The following ITGA9 variants were observed in gnomAD, a reference collection of about 807,000 sequenced individuals.
ITGA9 encodes integrin alpha-9.
Under a neutral mutation model 127.8 loss-of-function variants are expected in ITGA9, and 56 were observed. That is an observed-to-expected ratio of 0.44 (90% CI 0.35 to 0.55). ITGA9 has a LOEUF of 0.55. Ranked by LOEUF, ITGA9 falls within the 20% of genes least tolerant of loss-of-function variation. The pLI is 0.00. For synonymous variants in ITGA9, 508 were observed against 514.5 expected, an observed-to-expected ratio of 0.99 and a Z score of 0.17; for missense variants, 1,196 against 1,347.1, an observed-to-expected ratio of 0.89 and a Z score of 1.76.
intron 15 of ITGA9, among the ~76,000 whole-genome samples, chr3:37,551,089 T>C (rs1699374066): frequency 6.6e-6 from 1 of 152,224 alleles, no homozygotes; most frequent in Non-Finnish European, 1.5e-5. Context: ...AAAGTAAATT[T>C]GTGGGGTCAG....
rs551353205 is a variant in ITGA9, at chr3:37,684,167, T to C, written c.2067+152T>C. On this transcript the variant is annotated intron_variant, in intron 18 of 27. Coordinates refer to ENST00000264741, the MANE Select transcript of ITGA9 (RefSeq NM_002207.3). ...GATTAGAACTTTTTTCTTCCTGGGC[T>C]TAGAAAACATGTTGGTATAGCCAAA... 5.3e-5 allele frequency: 42 copies of C among 789,330 alleles called. 1 individual carries two copies. Among genetic ancestry groups the C allele is most frequent in the South Asian group, 6.0e-5 (4 of 67,194 alleles). The allele number at this position is 789,330 out of a possible 1,614,324, so 48.9% of individuals were successfully genotyped here.
chr3:37,804,231 G>A (rs1288461443), intron 27 of ITGA9, among the ~76,000 whole-genome samples: 1 of 152,194 alleles, frequency 6.6e-6, no homozygotes, highest in Non-Finnish European at 1.5e-5. Context: ...CAAAACAGAA[G>A]TCTGGGGAGC....
chr3:37,643,233 TG>T (rs1700349153), intron 16 of ITGA9, among the ~76,000 whole-genome samples: 6 of 152,202 alleles, frequency 3.9e-5, no homozygotes, highest in Admixed American at 3.9e-4. Flanking sequence ...CCTACTCTTA[TG>T]GGTATCAGCT....
At chr3:37,455,840 A>G (rs148421494) in intron 1 of ITGA9, among the ~76,000 whole-genome samples, 1 of 152,226 alleles carries the variant, frequency 6.6e-6, no homozygotes, top group Non-Finnish European at 1.5e-5. Flanking sequence ...GTCAGCACGG[A>G]CTCTGCAGGC....
In ITGA9 at chr3:37,457,525, G is replaced by A. The variant is rs537176143; in HGVS notation, c.185+4966G>A. ...TGCCTTCTCATAACCTCAGTGGTGA[G>A]CATCTTTGCAGAGTTCCTCTGTCCT... On this transcript the variant is annotated intron_variant, in intron 1 of 27. Coordinates refer to ENST00000264741, the MANE Select transcript of ITGA9 (RefSeq NM_002207.3). 2.6e-5 allele frequency among the ~76,000 whole-genome samples: 4 copies of A among 152,316 alleles called. No homozygotes were observed. In the East Asian group the frequency reaches 5.8e-4, roughly 22 times the overall value.
intron 19 of ITGA9, among the ~76,000 whole-genome samples, chr3:37,736,588 T>C (rs1463031655): frequency 6.6e-6 from 1 of 152,232 alleles, no homozygotes; most frequent in Non-Finnish European, 1.5e-5. Context: ...TGATGTAATT[T>C]GCAGATGTGG....
At chr3:37,734,014 G>C (rs1271921770) in intron 19 of ITGA9, among the ~76,000 whole-genome samples, 1 of 152,212 alleles carries the variant, frequency 6.6e-6, no homozygotes, top group African/African-American at 2.4e-5. Context: ...GGCACGTGTG[G>C]GAATGTGGGA....
chr3:37,734,288 C>T (rs571252890), intron 19 of ITGA9, among the ~76,000 whole-genome samples: 2 of 152,348 alleles, frequency 1.3e-5, no homozygotes, highest in African/African-American at 2.4e-5. Context: ...TAAAGGAGGA[C>T]GACCACAATC....
At chr3:37,512,714 T>C (rs1401709527) in intron 8 of ITGA9, among the ~76,000 whole-genome samples, 1 of 152,156 alleles carries the variant, frequency 6.6e-6, no homozygotes, top group Non-Finnish European at 1.5e-5. Flanking sequence ...AGGTTGCTCC[T>C]CTCTGGGTCA....
chr3:37,681,371 CTG>C (rs1700733071), intron 17 of ITGA9, among the ~76,000 whole-genome samples: 1 of 152,142 alleles, frequency 6.6e-6, no homozygotes, highest in African/African-American at 2.4e-5. Context: ...CCTGGTGTCT[CTG>C]TGCAACCCTC....
intron 18 of ITGA9, among the ~76,000 whole-genome samples, chr3:37,706,349 GT>G (rs1253487994): frequency 6.6e-6 from 1 of 152,140 alleles, no homozygotes; most frequent in Non-Finnish European, 1.5e-5. Context: ...TCAGTCCATT[GT>G]TTTTCCTGAG....
chr3:37,524,029 T>C (rs989893940), intron 12 of ITGA9, among the ~76,000 whole-genome samples: 4 of 151,980 alleles, frequency 2.6e-5, no homozygotes, highest in Admixed American at 2.0e-4. Context: ...AATAAAATGA[T>C]GGAGAAAGAT....
chr3:37,699,981 A>G (rs1363191940), intron 18 of ITGA9, among the ~76,000 whole-genome samples: 1 of 151,984 alleles, frequency 6.6e-6, no homozygotes, highest in Non-Finnish European at 1.5e-5. Flanking sequence ...CTGGCATACT[A>G]TTTTTTTGTT....
At chr3:37,708,881 G>A (rs1347545418) in intron 18 of ITGA9, among the ~76,000 whole-genome samples, 1 of 152,182 alleles carries the variant, frequency 6.6e-6, no homozygotes, top group Non-Finnish European at 1.5e-5. Flanking sequence ...CAGCATGATG[G>A]CGTTTAAGTT....
chr3:37,809,555 G>A (rs1697342070), intron 27 of ITGA9, among the ~76,000 whole-genome samples: 1 of 152,152 alleles, frequency 6.6e-6, no homozygotes, highest in African/African-American at 2.4e-5. Context: ...TTATGTCAGA[G>A]TGTGCAGTCT....
chr3:37,530,717 G>GT (rs71094916), intron 13 of ITGA9, among the ~76,000 whole-genome samples: 4 of 86,254 alleles, frequency 4.6e-5, no homozygotes, highest in Non-Finnish European at 8.6e-5. Context: ...CAGCTACCAG[G>GT]TTTTTTTTTT....
At chr3:37,595,712 G>A (rs1699862935) in intron 15 of ITGA9, among the ~76,000 whole-genome samples, 8 of 152,176 alleles carry the variant, frequency 5.3e-5, no homozygotes, top group Admixed American at 5.2e-4. Flanking sequence ...TTGTAGGCAG[G>A]ATGGCCATGT....
intron 13 of ITGA9, among the ~76,000 whole-genome samples, chr3:37,532,809 A>G (rs1699167425): frequency 6.6e-6 from 1 of 152,222 alleles, no homozygotes; most frequent in Non-Finnish European, 1.5e-5. Flanking sequence ...TTACCCAATG[A>G]ATTGGTGGAG....
At chr3:37,581,156 C>T (rs1699705998) in intron 15 of ITGA9, among the ~76,000 whole-genome samples, 1 of 152,276 alleles carries the variant, frequency 6.6e-6, no homozygotes, top group South Asian at 2.1e-4. Context: ...CACTGTGGGC[C>T]TGTGGAGTGA....
Sources: allele counts gnomAD v4.1 joint callset (sites outside exome capture counted in the v4.1 genomes callset), GRCh38; gene constraint gnomAD v4.1.1; transcripts MANE v1.5; gene names NCBI Gene and HGNC (gene_info 2026-07-23, HGNC 2026-07-21).